The following CAMK2D variants were observed in gnomAD, a reference collection of about 807,000 sequenced individuals.
The protein encoded by CAMK2D is calcium/calmodulin-dependent protein kinase type II subunit delta.
CAMK2D carries 37 observed loss-of-function variants against 84.0 expected under a neutral mutation model. That is an observed-to-expected ratio of 0.44 (90% confidence interval 0.34 to 0.58). CAMK2D has a LOEUF of 0.58. Among genes scored for constraint, CAMK2D ranks in the 20% least tolerant of loss-of-function variants. CAMK2D has a pLI of 0.02. For synonymous variants in CAMK2D, 202 were observed against 212.5 expected (o/e 0.95, Z 0.43); for missense variants, 448 against 652.5 (o/e 0.69, Z 3.41).
At chr4:113,514,945 C>A (rs2098265793) in intron 10 of CAMK2D, 124 bp downstream of exon 10, 1 of 964,692 alleles carries the variant, frequency 1.0e-6, no homozygotes, top group South Asian at 1.5e-5. Context: ...CACCTCGAGT[C>A]AAAAATTCAT....
At chr4:113,605,771 C>T (rs1365312148) in intron 4 of CAMK2D, among the ~76,000 whole-genome samples, 6 of 152,130 alleles carry the variant, frequency 3.9e-5, no homozygotes, top group African/African-American at 1.4e-4. Context: ...TCGGTGGAGG[C>T]TGTGGGGGGA....
intron 2 of CAMK2D, among the ~76,000 whole-genome samples, chr4:113,713,908 G>T (rs181431114): frequency 8.6e-4 from 130 of 150,772 alleles, no homozygotes; most frequent in African/African-American, 2.7e-3. Flanking sequence ...CATTTATTTG[G>T]TTTTTTTTGT....
intron 2 of CAMK2D, among the ~76,000 whole-genome samples, chr4:113,688,946 C>CAA (rs2099370993): frequency 8.7e-6 from 1 of 114,990 alleles, no homozygotes; most frequent in African/African-American, 3.4e-5. Flanking sequence ...AAAGAGCACA[C>CAA]TAAAAAAAAA....
intron 3 of CAMK2D, among the ~76,000 whole-genome samples, chr4:113,645,161 C>T (rs373266490): frequency 5.3e-5 from 8 of 152,052 alleles, no homozygotes; most frequent in African/African-American, 1.2e-4. Context: ...GGACTACAGG[C>T]GCCCGCCACC....
At chr4:113,520,180 C>A (rs2154172668) in intron 8 of CAMK2D, among the ~76,000 whole-genome samples, 1 of 151,830 alleles carries the variant, frequency 6.6e-6, no homozygotes, top group East Asian at 1.9e-4. Context: ...CCAAAACGGG[C>A]AAATCACCTG....
At chr4:113,674,370 T>C (rs1463954356) in intron 2 of CAMK2D, among the ~76,000 whole-genome samples, 2 of 152,164 alleles carry the variant, frequency 1.3e-5, no homozygotes, top group African/African-American at 2.4e-5. Context: ...ACATTTACCT[T>C]TTACCCAGAA....
rs543687343 is a variant in CAMK2D at position 113,753,323 on chromosome 4, G to C, written c.160+5997C>G. 5.9e-5 allele frequency among the ~76,000 whole-genome samples: 9 copies of C among 151,824 alleles called. 2 individuals carry two copies. The highest frequency in any genetic ancestry group is 1.9e-4 in the African/African-American group (8 of 41,472). ...TATTAATGATGAAGATGGCATTATT[G>C]ATTTTGGTAGTAATAAACATAGTTC... is the stretch of plus-strand genomic sequence containing the variant. On this transcript the variant is annotated intron_variant, in intron 2 of 20. Transcript: ENST00000511664.
intron 2 of CAMK2D, among the ~76,000 whole-genome samples, chr4:113,756,725 C>T (rs761749763): frequency 7.2e-5 from 11 of 151,958 alleles, no homozygotes; most frequent in Admixed American, 3.9e-4. Flanking sequence ...ATTTAACAAC[C>T]ACATTTGATT....
chr4:113,606,430 A>G (rs1430127108), intron 4 of CAMK2D, among the ~76,000 whole-genome samples: 1 of 151,708 alleles, frequency 6.6e-6, no homozygotes, highest in Non-Finnish European at 1.5e-5. Flanking sequence ...AGATCGCGCC[A>G]CTGCACTCAA....
At chr4:113,609,326 G>T in intron 3 of CAMK2D, 120 bp from the exon 4 acceptor site, 1 of 653,764 alleles carries the variant, frequency 1.5e-6, no homozygotes, top group Admixed American at 2.3e-5. Context: ...TTTTATTTTA[G>T]CCTTTGATAC....
At chr4:113,456,999 T>G (rs58586249) in intron 19 of CAMK2D, 1 of 228,970 alleles carries the variant, frequency 4.4e-6, no homozygotes, top group Non-Finnish European at 8.4e-6. Context: ...TCCTCTGATA[T>G]CCCCTTCTTC....
intron 17 of CAMK2D, among the ~76,000 whole-genome samples, chr4:113,460,723 T>C (rs1356409565): frequency 1.3e-5 from 2 of 152,016 alleles, no homozygotes; most frequent in Non-Finnish European, 2.9e-5. Context: ...TCTTGCTCCA[T>C]TGCCCAGGCT....
intron 13 of CAMK2D, among the ~76,000 whole-genome samples, chr4:113,507,916 CAT>C (rs1453575238): frequency 3.3e-5 from 5 of 149,368 alleles, no homozygotes; most frequent in African/African-American, 5.1e-5. Context: ...TTAAAAAAAA[CAT>C]ATAGTTTTTT....
chr4:113,595,646 G>A lies in CAMK2D; in HGVS notation c.275+13506C>T, dbSNP rs77838451. On this transcript the variant is annotated intron_variant, in intron 4 of 20. Transcript: ENST00000511664. ...AAATATTACAATAAAATGAGTCACA[G>A]CTTTATTTCACAGTGCATATGAAGT... is the stretch of plus-strand genomic sequence containing the variant. 8.8e-3 allele frequency among the ~76,000 whole-genome samples: 1,346 copies of A among 152,248 alleles called. 19 individuals carry two copies. The highest frequency in any genetic ancestry group is 0.031 in the African/African-American group (1,273 of 41,542).
At chr4:113,544,582 C>T (rs756283108) in intron 6 of CAMK2D, among the ~76,000 whole-genome samples, 8 of 152,184 alleles carry the variant, frequency 5.3e-5, no homozygotes, top group South Asian at 2.1e-4. Flanking sequence ...GCACCTTCCT[C>T]ATAAAGTTGT....
At chr4:113,579,874 C>A (rs1448586503) in intron 4 of CAMK2D, among the ~76,000 whole-genome samples, 1 of 152,162 alleles carries the variant, frequency 6.6e-6, no homozygotes, top group Admixed American at 6.5e-5. Flanking sequence ...GAAAATACAG[C>A]CACTGTTTGA....
chr4:113,504,964 G>A lies in CAMK2D; in HGVS notation c.1044+12C>T. 1 of 1,517,810 alleles carries A rather than the reference G, an allele frequency of 6.6e-7. No homozygotes were observed. The highest frequency in any genetic ancestry group is 8.9e-7 in the Non-Finnish European group (1 of 1,129,494). The allele number at this position is 1,517,810 out of a possible 1,614,324, so 94.0% of individuals were successfully genotyped here. ...AAGAACTTAAGAAGGGTTACAAAGA[G>A]TCCAGGTATACCAGCGCTGGGGTAG... On this transcript the variant is annotated intron_variant, in intron 14 of 20. Transcript: ENST00000511664.
chr4:113,513,303 G>A (rs575273157), intron 12 of CAMK2D, 25 bp downstream of exon 12: 5 of 1,610,738 alleles, frequency 3.1e-6, no homozygotes, highest in African/African-American at 2.7e-5. Context: ...CAAGGGATAA[G>A]AAGCAGAGTT....
intron 4 of CAMK2D, among the ~76,000 whole-genome samples, chr4:113,597,574 A>T (rs1378468051): frequency 1.3e-5 from 2 of 152,204 alleles, no homozygotes; most frequent in Non-Finnish European, 2.9e-5. Flanking sequence ...AACTGGTTTG[A>T]TCACCTATAT....
Sources: allele counts gnomAD v4.1 joint callset (sites outside exome capture counted in the v4.1 genomes callset), GRCh38; gene constraint gnomAD v4.1.1; transcripts MANE v1.5; gene names NCBI Gene and HGNC (gene_info 2026-07-23, HGNC 2026-07-21).